The following RARB variants were observed in gnomAD, a reference collection of about 807,000 sequenced individuals.
RARB encodes the protein HBV-activated protein.
In RARB, 17 loss-of-function variants were observed where a neutral mutation model predicts 51.9. That is an observed-to-expected ratio of 0.33 (90% CI 0.22 to 0.49). The LOEUF (loss-of-function observed/expected upper bound fraction) is 0.49. Ranked by LOEUF, RARB falls within the 20% of genes least tolerant of loss-of-function variation. The pLI is 0.99. For synonymous variants in RARB, 215 were observed against 195.4 expected (o/e 1.10, Z -0.84); for missense variants, 369 against 550.8 (o/e 0.67, Z 3.30).
chr3:25,481,302 T>C (rs1242967403), intron 2 of RARB, among the ~76,000 whole-genome samples: 1 of 152,214 alleles, frequency 6.6e-6, no homozygotes, highest in African/African-American at 2.4e-5. Context: ...AAAATAAACA[T>C]GTCTGTTAGC....
chr3:25,416,521 G>T (rs1707708468), intron 5 of RARB, among the ~76,000 whole-genome samples: 1 of 152,182 alleles, frequency 6.6e-6, no homozygotes, highest in African/African-American at 2.4e-5. Context: ...CCAATTCAAT[G>T]GATTGGTACT....
At chr3:25,429,676 T>A (rs889454519) in intron 1 of RARB, among the ~76,000 whole-genome samples, 5 of 151,928 alleles carry the variant, frequency 3.3e-5, no homozygotes, top group Non-Finnish European at 7.4e-5. Flanking sequence ...AAAAAAAAAA[T>A]ATTGACTATT....
chr3:25,098,542 A>G (rs1699342869), intron 3 of RARB, among the ~76,000 whole-genome samples: 1 of 152,222 alleles, frequency 6.6e-6, no homozygotes, highest in Admixed American at 6.5e-5. Context: ...ATTGCTGGGA[A>G]AAGATGAACC....
intron 5 of RARB, among the ~76,000 whole-genome samples, chr3:25,593,153 A>T (rs1701677294): frequency 6.6e-6 from 1 of 151,904 alleles, no homozygotes; most frequent in Non-Finnish European, 1.5e-5. Context: ...TAAAAAATAG[A>T]ATCTTATTCA....
In RARB at chr3:25,074,109, C is replaced by T. The variant is rs191949935; in HGVS notation, c.-328+13933C>T. On this transcript the variant is annotated intron_variant, in intron 3 of 11. Transcript: ENST00000383772. ...ATTACGGATCTAGCTAATGCCAGTT[C>T]TAAACTAAACCAGGGATCAAATTAA... Among the ~76,000 whole-genome samples, 6 of 152,294 alleles carry T rather than the reference C, an allele frequency of 3.9e-5. No individual in the cohort carries two copies. The East Asian group carries it at 9.6e-4, about 24-fold the overall frequency.
intron 5 of RARB, among the ~76,000 whole-genome samples, chr3:25,239,045 C>T (rs891267466): frequency 1.1e-4 from 16 of 152,138 alleles, no homozygotes; most frequent in African/African-American, 3.9e-4. Context: ...ATTTGTATTT[C>T]CCTGATGATT....
chr3:25,178,676 T>G (rs1174854274), intron 5 of RARB, among the ~76,000 whole-genome samples: 2 of 152,184 alleles, frequency 1.3e-5, no homozygotes, highest in African/African-American at 2.4e-5. Flanking sequence ...TAAAGGACCT[T>G]GCAACCTCTT....
chr3:25,343,802 G>T lies in RARB; in HGVS notation c.179-117391G>T, dbSNP rs543435630. On this transcript the variant is annotated intron_variant, in intron 5 of 11. Coordinates refer to the RARB transcript ENST00000383772. ...TTATCTAATTATTAATACATGTTCAGGTGTGGCAAAGTTTGGGAGCTGCTG... is the reference window on the plus strand; with the variant it reads ...TTATCTAATTATTAATACATGTTCATGTGTGGCAAAGTTTGGGAGCTGCTG... Among the ~76,000 whole-genome samples the T allele has an allele frequency of 1.1e-3, 170 of 152,276 alleles. 1 individual carries two copies. Among genetic ancestry groups the T allele is most frequent in the African/African-American group, 4.0e-3 (167 of 41,558 alleles).
At chr3:25,143,432 G>A (rs780530496) in intron 4 of RARB, among the ~76,000 whole-genome samples, 1 of 152,186 alleles carries the variant, frequency 6.6e-6, no homozygotes, top group Non-Finnish European at 1.5e-5. Flanking sequence ...TTAGCCTAGT[G>A]TTCAGATGTG....
intron 1 of RARB, among the ~76,000 whole-genome samples, chr3:24,829,499 C>T (rs1702250927): frequency 6.6e-6 from 1 of 152,132 alleles, no homozygotes; most frequent in South Asian, 2.1e-4. Context: ...TCTGGAAGAC[C>T]AGGGCATTTG....
chr3:24,937,437 T>C (rs534300256), intron 2 of RARB, among the ~76,000 whole-genome samples: 2 of 152,204 alleles, frequency 1.3e-5, no homozygotes, highest in East Asian at 3.9e-4. Context: ...TATCTTACTT[T>C]TCATCCTTAC....
At chr3:25,537,801 C>A (rs568915966) in intron 3 of RARB, among the ~76,000 whole-genome samples, 1 of 152,308 alleles carries the variant, frequency 6.6e-6, no homozygotes, top group South Asian at 2.1e-4. Flanking sequence ...TCTTGCTCTT[C>A]TTTACCCAGG....
chr3:25,159,971 C>A (rs543398105), intron 4 of RARB, among the ~76,000 whole-genome samples: 2 of 152,132 alleles, frequency 1.3e-5, no homozygotes, highest in Non-Finnish European at 1.5e-5. Context: ...CTCTTGAAAA[C>A]CACAGGCTAA....
chr3:25,432,244 G>A (rs905030133), intron 1 of RARB, among the ~76,000 whole-genome samples: 1 of 152,188 alleles, frequency 6.6e-6, no homozygotes, highest in Non-Finnish European at 1.5e-5. Context: ...TGGATAAATT[G>A]GTACATTTGA....
In RARB at chr3:25,430,220, T is replaced by C. The variant is rs562602047; in HGVS notation, c.157+1332T>C. Among the ~76,000 whole-genome samples, 4 of 152,338 alleles carry C rather than the reference T, an allele frequency of 2.6e-5. No homozygotes were observed. The East Asian group carries it at 7.7e-4, about 29-fold the overall frequency. ...AGAATATCGTTTTCAGAAGGCGCCTTAATCTTCAGCTGCTCCCCAAATGCC... is the reference window on the plus strand; with the variant it reads ...AGAATATCGTTTTCAGAAGGCGCCTCAATCTTCAGCTGCTCCCCAAATGCC... On this transcript the variant is annotated intron_variant, in intron 1 of 7. Coordinates refer to ENST00000330688, the MANE Select transcript of RARB (RefSeq NM_000965.5).
intron 5 of RARB, among the ~76,000 whole-genome samples, chr3:25,383,420 C>T (rs1176441773): frequency 1.3e-5 from 2 of 152,156 alleles, no homozygotes; most frequent in African/African-American, 4.8e-5. Flanking sequence ...GATTTGGCAG[C>T]CCCTGTATTG....
intron 3 of RARB, among the ~76,000 whole-genome samples, chr3:25,093,591 C>G (rs988541688): frequency 6.6e-6 from 1 of 152,180 alleles, no homozygotes; most frequent in African/African-American, 2.4e-5. Context: ...TAGACATAAA[C>G]AATTACCTGC....
chr3:25,296,845 C>A (rs1488867178), intron 5 of RARB, among the ~76,000 whole-genome samples: 2 of 152,204 alleles, frequency 1.3e-5, no homozygotes, highest in African/African-American at 2.4e-5. Context: ...AGACATCTCA[C>A]TTGCATGCTA....
At chr3:24,979,158 T>C (rs1161119682) in intron 2 of RARB, among the ~76,000 whole-genome samples, 1 of 152,106 alleles carries the variant, frequency 6.6e-6, no homozygotes, top group Non-Finnish European at 1.5e-5. Flanking sequence ...TGCTGAGGAG[T>C]GTTTTACTTC....
Sources: allele counts gnomAD v4.1 joint callset (sites outside exome capture counted in the v4.1 genomes callset), GRCh38; gene constraint gnomAD v4.1.1; transcripts MANE v1.5; gene names NCBI Gene and HGNC (gene_info 2026-07-23, HGNC 2026-07-21).